The following CTNNA2 variants were observed in gnomAD, a reference collection of about 807,000 sequenced individuals.
The protein encoded by CTNNA2 is catenin alpha 2.
Under a neutral mutation model 101.0 loss-of-function variants are expected in CTNNA2, and 42 were observed. The ratio of observed to expected loss-of-function variants is 0.42; its 90% CI spans 0.32 to 0.54. CTNNA2 has a LOEUF of 0.54. Among genes scored for constraint, CTNNA2 ranks in the 20% least tolerant of loss-of-function variants. CTNNA2 has a pLI of 0.14. For synonymous variants in CTNNA2, 450 were observed against 456.4 expected (o/e 0.99, Z 0.18); for missense variants, 871 against 1,223.1 (o/e 0.71, Z 4.29).
At chr2:79,222,577 C>G (rs1674358654) in intron 2 of CTNNA2, among the ~76,000 whole-genome samples, 1 of 152,144 alleles carries the variant, frequency 6.6e-6, no homozygotes, top group Non-Finnish European at 1.5e-5. Context: ...TTACATAGAT[C>G]AATACTTGCA....
At chr2:79,869,760 T>C in intron 4 of CTNNA2, 56 bp from the exon 5 acceptor site, 2 of 1,573,612 alleles carry the variant, frequency 1.3e-6, no homozygotes, top group Non-Finnish European at 8.6e-7. Context: ...TTCTAACATG[T>C]TGAATAATAT....
intron 7 of CTNNA2, among the ~76,000 whole-genome samples, chr2:80,333,616 T>A (rs563069166): frequency 6.6e-6 from 1 of 151,946 alleles, no homozygotes; most frequent in Admixed American, 6.6e-5. Flanking sequence ...AGCCACCACC[T>A]TTTTTTTCTT....
At chr2:79,814,092 T>G (rs980934513) in intron 3 of CTNNA2, among the ~76,000 whole-genome samples, 1 of 152,168 alleles carries the variant, frequency 6.6e-6, no homozygotes, top group African/African-American at 2.4e-5. Context: ...AGCAGTCACT[T>G]AAGACTAGGG....
intron 4 of CTNNA2, among the ~76,000 whole-genome samples, chr2:79,424,902 A>G (rs1235424876): frequency 6.6e-6 from 1 of 152,116 alleles, no homozygotes; most frequent in Admixed American, 6.6e-5. Context: ...ATGGAAATGG[A>G]TGGATGAATT....
intron 7 of CTNNA2, among the ~76,000 whole-genome samples, chr2:80,190,952 A>G (rs1331737275): frequency 6.6e-6 from 1 of 152,166 alleles, no homozygotes; most frequent in African/African-American, 2.4e-5. Flanking sequence ...GCTGATTTCC[A>G]TGATCTGAAG....
chr2:80,335,797 A>C (rs1671720362), intron 7 of CTNNA2, among the ~76,000 whole-genome samples: 2 of 152,192 alleles, frequency 1.3e-5, no homozygotes, highest in African/African-American at 4.8e-5. Flanking sequence ...GCTTCTGACC[A>C]TTTGATCCAT....
intron 4 of CTNNA2, among the ~76,000 whole-genome samples, chr2:79,399,490 T>C (rs770643281): frequency 3.9e-5 from 6 of 152,070 alleles, no homozygotes; most frequent in Non-Finnish European, 8.8e-5. Context: ...AGATGTTCTC[T>C]AACCAATCAT....
chr2:79,949,573 G>T (rs995837708), intron 7 of CTNNA2, among the ~76,000 whole-genome samples: 3 of 151,876 alleles, frequency 2.0e-5, no homozygotes, highest in African/African-American at 7.2e-5. Flanking sequence ...TTTGACATCA[G>T]CCTGGGCAAC....
In CTNNA2 at chr2:79,956,851, T is replaced by TTTC. The variant is rs1217930804; in HGVS notation, c.1056+47056_1056+47057insCTT. Among the ~76,000 whole-genome samples, 40 of 82,502 alleles carry TTTC rather than the reference T, an allele frequency of 4.8e-4. 1 individual carries two copies. The highest frequency in any genetic ancestry group is 1.2e-3 in the Non-Finnish European group (34 of 27,666). The allele number at this position is 82,502 out of a possible 152,430, so 54.1% of individuals were successfully genotyped here. A position where few individuals can be genotyped will look rare whatever the true frequency, so the allele number is the denominator to read the frequency against. On this transcript the variant is annotated intron_variant, in intron 7 of 18. Transcript: ENST00000402739. ...ACTATGAATACGTGTGGGTTTTTTT[T>TTTC]TTTTTTTTTTTTTTTTTCAGTGTAT...
intron 9 of CTNNA2, among the ~76,000 whole-genome samples, chr2:80,489,069 T>C (rs889912368): frequency 6.6e-6 from 1 of 152,128 alleles, no homozygotes; most frequent in Non-Finnish European, 1.5e-5. Context: ...TTTACTTCTG[T>C]CTTTGCATGT....
rs1454704788 is a variant in CTNNA2, at chr2:80,487,237, C to T, written c.1291-57745C>T. On this transcript the variant is annotated intron_variant, in intron 9 of 18. Coordinates refer to ENST00000402739, the MANE Select transcript of CTNNA2 (RefSeq NM_001282597.3). ...CAGAGGTTGCAGTGAGCTGAGGTCA[C>T]ACCACTGCACTCCAGCCTGGGCGAC... Among the ~76,000 whole-genome samples the T allele has an allele frequency of 3.4e-5, 5 of 146,442 alleles. No homozygotes were observed. In the South Asian group the frequency reaches 8.6e-4, roughly 25 times the overall value.
chr2:79,629,837 T>A (rs1679569301), intron 1 of CTNNA2, among the ~76,000 whole-genome samples: 1 of 152,140 alleles, frequency 6.6e-6, no homozygotes, highest in Non-Finnish European at 1.5e-5. Context: ...TTGCTGAACC[T>A]GGAGAGGCTG....
At chr2:80,425,421 A>T (rs1680904349) in intron 9 of CTNNA2, among the ~76,000 whole-genome samples, 1 of 152,320 alleles carries the variant, frequency 6.6e-6, no homozygotes, top group Middle Eastern at 3.4e-3. Context: ...AAATCAATAA[A>T]AACAGTTCTG....
At chr2:79,419,420 A>G (rs1185684084) in intron 4 of CTNNA2, among the ~76,000 whole-genome samples, 1 of 152,132 alleles carries the variant, frequency 6.6e-6, no homozygotes, top group Non-Finnish European at 1.5e-5. Context: ...TTGATTGTAA[A>G]AGAAATTACT....
At chr2:80,120,175 T>C (rs1184442880) in intron 7 of CTNNA2, among the ~76,000 whole-genome samples, 1 of 152,240 alleles carries the variant, frequency 6.6e-6, no homozygotes, top group East Asian at 1.9e-4. Flanking sequence ...CTTTCACAAC[T>C]AAATTGACTG....
chr2:79,550,225 G>T (rs902505867), intron 1 of CTNNA2, among the ~76,000 whole-genome samples: 4 of 152,168 alleles, frequency 2.6e-5, no homozygotes, highest in African/African-American at 9.7e-5. Flanking sequence ...TGATACCCTT[G>T]GGAGTTCTGG....
At chr2:79,365,283 A>T (rs199611087) in intron 3 of CTNNA2, among the ~76,000 whole-genome samples, 1 of 17,374 alleles carries the variant, frequency 5.8e-5, no homozygotes, top group Non-Finnish European at 1.1e-4. Flanking sequence ...TCTCAAAAAT[A>T]AAAAAAAAAA....
intron 6 of CTNNA2, among the ~76,000 whole-genome samples, chr2:79,879,385 A>G (rs1422860229): frequency 6.6e-6 from 1 of 152,136 alleles, no homozygotes; most frequent in African/African-American, 2.4e-5. Flanking sequence ...TGGAAGTAGC[A>G]TTTATTCTAT....
intron 2 of CTNNA2, among the ~76,000 whole-genome samples, chr2:79,670,020 C>G (rs911730177): frequency 6.6e-6 from 1 of 152,186 alleles, no homozygotes; most frequent in Non-Finnish European, 1.5e-5. Flanking sequence ...AGAGGCCAGG[C>G]TGTGGGAGCA....
Sources: gnomAD v4.1 joint callset for allele counts (sites outside exome capture counted in the v4.1 genomes callset) on GRCh38, gnomAD v4.1.1 for gene constraint, MANE v1.5 for transcripts, NCBI Gene and HGNC (gene_info 2026-07-23, HGNC 2026-07-21) for gene names.